AGBL3: variants seen among roughly 807,000 people sequenced by gnomAD.
The protein encoded by AGBL3 is AGBL carboxypeptidase 3, also known as cytosolic carboxypeptidase 3.
A neutral mutation model predicts 94.5 loss-of-function variants in AGBL3; 68 were observed. That is an observed-to-expected ratio of 0.72 (90% confidence interval 0.59 to 0.88). The LOEUF is 0.88. Ranked by LOEUF, AGBL3 falls within the 40% of genes least tolerant of loss-of-function variation. AGBL3 has a pLI of 0.00. For synonymous variants in AGBL3, 354 were observed against 370.7 expected (o/e 0.95, Z 0.52); for missense variants, 934 against 1,103.8 (o/e 0.85, Z 2.18).
At chr7:135,033,051 A>C in intron 6 of AGBL3, 69 bp downstream of exon 6, 2 of 1,391,930 alleles carry the variant, frequency 1.4e-6, no homozygotes, top group Non-Finnish European at 1.9e-6. Context: ...AAGTACATTA[A>C]AGTTCTTAGT....
chr7:135,034,233 T>C lies in AGBL3; in HGVS notation c.642T>C (p.Asn214=). Residue 214 remains asparagine (N), a synonymous_variant, in exon 7 of 17, where the codon AAT becomes AAC. Coordinates refer to ENST00000436302, the MANE Select transcript of AGBL3 (RefSeq NM_178563.4). The part of the protein sequence containing the change: ...HTQWYYFQVT[N]MRAGIVYRFT... ...AGTGGTACTATTTCCAAGTCACTAA[T>C]ATGCGAGCAGGAATAGTCTACAGAT... 1.3e-6 allele frequency: 2 copies of C among 1,551,700 alleles called. No homozygotes were observed. The highest frequency in any genetic ancestry group is 1.7e-6 in the Non-Finnish European group (2 of 1,146,974).
chr7:135,033,029 A>G (rs989771487), intron 6 of AGBL3, 47 bp downstream of exon 6: 1 of 1,467,346 alleles, frequency 6.8e-7, no homozygotes, highest in Admixed American at 2.5e-5. Context: ...ATCAACTATT[A>G]TTTTCTGTAT....
At chr7:134,994,545 G>A (rs951597912) in intron 4 of AGBL3, among the ~76,000 whole-genome samples, 1 of 152,084 alleles carries the variant, frequency 6.6e-6, no homozygotes, top group Non-Finnish European at 1.5e-5. Flanking sequence ...TTTGTTGATT[G>A]AGGCACGCAA....
intron 13 of AGBL3, among the ~76,000 whole-genome samples, chr7:135,079,290 A>T (rs1286377980): frequency 6.6e-6 from 1 of 151,748 alleles, no homozygotes; most frequent in Non-Finnish European, 1.5e-5. Context: ...AATTTGTGTA[A>T]TTTTTTCTAG....
At chr7:135,067,046 C>A (rs1205281597) in intron 12 of AGBL3, among the ~76,000 whole-genome samples, 3 of 152,194 alleles carry the variant, frequency 2.0e-5, no homozygotes, top group South Asian at 2.1e-4. Context: ...CCTAATACTG[C>A]GCTCTTCCAA....
In AGBL3 at chr7:135,017,218, T is replaced by C. The variant is rs548347886; in HGVS notation, c.418+59T>C. The C allele has an allele frequency of 7.5e-6, 9 of 1,205,886 alleles. No individual in the cohort carries two copies. In the Admixed American group the frequency reaches 1.2e-4, roughly 16 times the overall value. 74.7% of individuals were successfully genotyped at this position (1,205,886 alleles called of 1,614,324 possible). A position where few individuals can be genotyped will look rare whatever the true frequency, so the allele number is the denominator to read the frequency against. On this transcript the variant is annotated intron_variant, in intron 5 of 16. Transcript: ENST00000436302. ...ATAATTTGGTACTTAGGTTAATCTCTTAATTATATTTGTTTTGCTGTTTGT... is the reference window on the plus strand; with the variant it reads ...ATAATTTGGTACTTAGGTTAATCTCCTAATTATATTTGTTTTGCTGTTTGT...
At position 135,112,840 on chromosome 7, in the gene AGBL3, C is replaced by G. The variant is rs768761516; in HGVS notation, c.2111-2540C>G. Reference sequence around the variant, plus strand: ...TCACACAGGCTGGAGTGCAGTGATGCGATCTTGGCTCACTGCAACCTCCGC... The same window carrying G: ...TCACACAGGCTGGAGTGCAGTGATGGGATCTTGGCTCACTGCAACCTCCGC... On this transcript the variant is annotated intron_variant, in intron 15 of 16. Coordinates refer to ENST00000436302, the MANE Select transcript of AGBL3 (RefSeq NM_178563.4). Among the ~76,000 whole-genome samples, 10 of 152,206 alleles carry G rather than the reference C, an allele frequency of 6.6e-5. No individual in the cohort carries two copies. The East Asian group carries it at 9.7e-4, about 15-fold the overall frequency.
At chr7:135,080,338 G>C in intron 14 of AGBL3, 78 bp downstream of exon 14, 1 of 1,151,152 alleles carries the variant, frequency 8.7e-7, no homozygotes, top group South Asian at 1.3e-5. Context: ...ACAACTTTGA[G>C]GTTGCCACTG....
intron 8 of AGBL3, among the ~76,000 whole-genome samples, chr7:135,043,090 T>C (rs1053798377): frequency 4.6e-5 from 7 of 152,230 alleles, no homozygotes; most frequent in African/African-American, 1.7e-4. Flanking sequence ...TCTCCAACAC[T>C]AATCTTCATT....
intron 5 of AGBL3, among the ~76,000 whole-genome samples, chr7:135,026,248 T>TTTTATTTTATTTTATTTTTA (rs1554497713): frequency 3.5e-5 from 4 of 113,710 alleles, no homozygotes; most frequent in Admixed American, 3.5e-4. Flanking sequence ...AATACCATTA[T>TTTTATTTTATTTTATTTTTA]TTTATTTTAT....
intron 15 of AGBL3, among the ~76,000 whole-genome samples, chr7:135,108,840 C>G (rs1217793870): frequency 6.6e-6 from 1 of 152,166 alleles, no homozygotes; most frequent in African/African-American, 2.4e-5. Context: ...AATTTGGCCT[C>G]TTTACATAAT....
intron 12 of AGBL3, among the ~76,000 whole-genome samples, chr7:135,066,191 C>G (rs1233399846): frequency 6.6e-6 from 1 of 152,048 alleles, no homozygotes; most frequent in East Asian, 1.9e-4. Context: ...GAAAAGGCCA[C>G]CTATGGAATA....
chr7:135,058,962 G>C (rs1818581571), intron 11 of AGBL3, among the ~76,000 whole-genome samples: 1 of 152,118 alleles, frequency 6.6e-6, no homozygotes, highest in Non-Finnish European at 1.5e-5. Flanking sequence ...TCACCATGTT[G>C]GTCAGGCTGG....
At chr7:135,030,884 G>A (rs1033375198) in intron 5 of AGBL3, among the ~76,000 whole-genome samples, 2 of 151,984 alleles carry the variant, frequency 1.3e-5, no homozygotes, top group African/African-American at 4.8e-5. Context: ...AGTTGTATAT[G>A]TTTATGGCAT....
At chr7:135,096,588 G>GATAGATAGATAGATAGATAGATAC (rs1822824765) in intron 15 of AGBL3, among the ~76,000 whole-genome samples, 2 of 120,216 alleles carry the variant, frequency 1.7e-5, no homozygotes, top group Admixed American at 8.5e-5. Context: ...TAGATACATA[G>GATAGATAGATAGATAGATAGATAC]ATAGATAGAT....
chr7:135,119,234 A>T (rs12539783), intron 16 of AGBL3, among the ~76,000 whole-genome samples: 35,484 of 148,044 alleles, frequency 0.24, 5,117 homozygotes, highest in South Asian at 0.42. Context: ...CAAAATTTAA[A>T]TTTTTTTTTT....
At chr7:135,100,957 T>C (rs17231184) in intron 15 of AGBL3, among the ~76,000 whole-genome samples, 7,741 of 152,274 alleles carry the variant, frequency 0.051, 260 homozygotes, top group Non-Finnish European at 0.08. Context: ...CCAAGTATGA[T>C]AGTGTATTAA....
At chr7:135,084,535 C>T (rs942820963) in intron 15 of AGBL3, among the ~76,000 whole-genome samples, 12 of 152,064 alleles carry the variant, frequency 7.9e-5, no homozygotes, top group Admixed American at 2.6e-4. Flanking sequence ...CTATTCTATA[C>T]TCTCTACTTC....
intron 16 of AGBL3, among the ~76,000 whole-genome samples, chr7:135,127,483 G>A (rs1166582068): frequency 1.3e-5 from 2 of 151,926 alleles, no homozygotes; most frequent in Non-Finnish European, 2.9e-5. Context: ...AACCCGGGAG[G>A]CGGAGGTTGC....
Sources: allele counts gnomAD v4.1 joint callset (sites outside exome capture counted in the v4.1 genomes callset), GRCh38; gene constraint gnomAD v4.1.1; transcripts MANE v1.5; gene names NCBI Gene and HGNC (gene_info 2026-07-23, HGNC 2026-07-21).